TRDN: variants seen among roughly 807,000 people sequenced by gnomAD.
TRDN encodes the protein triadin in skeletal muscle.
Under a neutral mutation model 149.7 loss-of-function variants are expected in TRDN, and 161 were observed. The observed-to-expected ratio is 1.08, with a 90% CI of 0.95 to 1.23. The LOEUF (loss-of-function observed/expected upper bound fraction) is 1.23. Ranked by LOEUF, TRDN falls within the 50% of genes most tolerant of loss-of-function variation. The pLI, the probability that TRDN is intolerant of heterozygous loss-of-function variation, is 0.00. For missense variants in TRDN, 896 were observed against 823.5 expected, an observed-to-expected ratio of 1.09 and a Z score of -1.08; for synonymous variants, 294 against 250.5, an observed-to-expected ratio of 1.17 and a Z score of -1.64.
At chr6:123,543,049 A>G (rs1397924694) in intron 4 of TRDN, among the ~76,000 whole-genome samples, 2 of 152,212 alleles carry the variant, frequency 1.3e-5, no homozygotes, top group African/African-American at 4.8e-5. Flanking sequence ...CATCATATAA[A>G]GATTTACCCT....
chr6:123,331,698 T>G (rs1343339899), intron 23 of TRDN, among the ~76,000 whole-genome samples, 181 bp downstream of exon 23: 1 of 152,054 alleles, frequency 6.6e-6, no homozygotes, highest in Non-Finnish European at 1.5e-5. Flanking sequence ...TTTCCTTTTT[T>G]GTTTCATAGT....
intron 9 of TRDN, among the ~76,000 whole-genome samples, chr6:123,467,855 G>C (rs12333042): frequency 0.038 from 5,776 of 152,172 alleles, 328 homozygotes; most frequent in African/African-American, 0.12. Context: ...CAAAATCAGA[G>C]TTGTTTAGTA....
rs986586412 is a variant in TRDN, at chr6:123,251,728, C to A, written c.1975+684G>T. On this transcript the variant is annotated intron_variant, in intron 38 of 40. Coordinates refer to ENST00000334268, the MANE Select transcript of TRDN (RefSeq NM_006073.4). The stretch of plus-strand genomic sequence containing the variant: ...AATAAAAAAGGATAAATTGTTATTT[C>A]CTTGAATCTTAGGAACTTGTAAGAA... Among the ~76,000 whole-genome samples, 19 of 151,528 alleles carry A rather than the reference C, an allele frequency of 1.3e-4. 1 individual carries two copies. Among genetic ancestry groups the A allele is most frequent in the African/African-American group, 4.6e-4 (19 of 41,380 alleles).
chr6:123,629,142 A>G (rs1785831130), intron 1 of TRDN, among the ~76,000 whole-genome samples: 1 of 152,092 alleles, frequency 6.6e-6, no homozygotes, highest in Admixed American at 6.6e-5. Flanking sequence ...CATATCTCTT[A>G]TTTTTGTCTT....
chr6:123,503,944 C>A (rs772438711), intron 7 of TRDN, 43 bp from the exon 8 acceptor site: 25 of 1,507,038 alleles, frequency 1.7e-5, no homozygotes, highest in Admixed American at 1.2e-4. Flanking sequence ...TGTTTATTTA[C>A]AAACATAATG....
At chr6:123,554,071 G>C (rs1009905235) in intron 2 of TRDN, among the ~76,000 whole-genome samples, 1 of 152,096 alleles carries the variant, frequency 6.6e-6, no homozygotes, top group Non-Finnish European at 1.5e-5. Flanking sequence ...ACCTTGGTAA[G>C]GTCCATGAAA....
chr6:123,350,914 A>T, intron 21 of TRDN: 1 of 984,882 alleles, frequency 1.0e-6, no homozygotes, highest in Non-Finnish European at 1.2e-6. Context: ...ATCTCTAAGA[A>T]CCATTTCCAG....
chr6:123,252,351 T>G (rs1776402843), intron 38 of TRDN, 61 bp downstream of exon 38: 1 of 1,019,080 alleles, frequency 9.8e-7, no homozygotes, highest in African/African-American at 1.6e-5. Flanking sequence ...TTTATGAATT[T>G]CATCTTAAAA....
intron 12 of TRDN, among the ~76,000 whole-genome samples, chr6:123,428,214 G>A (rs369143760): frequency 6.6e-6 from 1 of 152,194 alleles, no homozygotes; most frequent in African/African-American, 2.4e-5. Flanking sequence ...GATAGGACCC[G>A]TGGCCTAAAA....
At chr6:123,526,186 T>A (rs1779939123) in intron 5 of TRDN, among the ~76,000 whole-genome samples, 1 of 152,042 alleles carries the variant, frequency 6.6e-6, no homozygotes, top group Non-Finnish European at 1.5e-5. Context: ...AGTCTATGCA[T>A]CTTTATATGG....
intron 1 of TRDN, among the ~76,000 whole-genome samples, chr6:123,607,446 A>G (rs1016155955): frequency 3.9e-5 from 6 of 152,188 alleles, no homozygotes; most frequent in African/African-American, 1.2e-4. Flanking sequence ...TTCTCTATAT[A>G]TACAGATTAC....
At chr6:123,626,581 T>C (rs1328371038) in intron 1 of TRDN, among the ~76,000 whole-genome samples, 1 of 152,188 alleles carries the variant, frequency 6.6e-6, no homozygotes, top group Non-Finnish European at 1.5e-5. Context: ...CTGTTTCCAC[T>C]GCATCTGCAG....
At chr6:123,250,082 G>C (rs1369205260) in intron 38 of TRDN, among the ~76,000 whole-genome samples, 1 of 151,956 alleles carries the variant, frequency 6.6e-6, no homozygotes, top group East Asian at 1.9e-4. Flanking sequence ...AAATCAAGAA[G>C]GTAATTGCAT....
intron 33 of TRDN, among the ~76,000 whole-genome samples, chr6:123,264,443 G>A (rs1053478584): frequency 6.6e-6 from 1 of 152,110 alleles, no homozygotes; most frequent in South Asian, 2.1e-4. Context: ...GAACAGACGA[G>A]GAGTTATTTC....
chr6:123,306,146 T>C (rs534450427), intron 24 of TRDN, among the ~76,000 whole-genome samples: 44 of 152,276 alleles, frequency 2.9e-4, no homozygotes, highest in Non-Finnish European at 5.1e-4. Flanking sequence ...ATTAGTTCAA[T>C]ACCTCAAGAT....
intron 9 of TRDN, among the ~76,000 whole-genome samples, chr6:123,490,605 T>C (rs180879923): frequency 4.1e-4 from 62 of 152,310 alleles, no homozygotes; most frequent in Admixed American, 2.7e-3. Flanking sequence ...TATCCTGTTA[T>C]ATTTTGTGAC....
intron 1 of TRDN, among the ~76,000 whole-genome samples, chr6:123,608,868 C>G (rs922924134): frequency 5.3e-5 from 8 of 149,772 alleles, no homozygotes; most frequent in Non-Finnish European, 8.9e-5. Context: ...ATTGTTTATA[C>G]TCATGAAAAA....
In TRDN at chr6:123,267,728, C is replaced by A; in HGVS notation, c.1762G>T (p.Glu588Ter). The change falls in exon 32 of 41, where the codon GAA becomes TAA. Residue 588 changes from glutamate (E) to a stop codon, truncating the protein, a stop_gained. Coordinates refer to ENST00000334268, the MANE Select transcript of TRDN (RefSeq NM_006073.4). LOFTEE classifies it high-confidence loss of function. ...ATACCTGTTTTTATAGATGGAGGTT[C>A]TCTTTCTCGATGTTCAGCTTTTTCT... ...PTKKAEHRER[E>*]PPSIKTDKPK... 1 of 1,580,446 alleles carries A rather than the reference C, an allele frequency of 6.3e-7. No homozygotes were observed. Among genetic ancestry groups the A allele is most frequent in the East Asian group, 2.3e-5 (1 of 43,498 alleles).
chr6:123,360,216 A>T (rs912276780), intron 20 of TRDN, among the ~76,000 whole-genome samples: 31 of 152,130 alleles, frequency 2.0e-4, no homozygotes, highest in Non-Finnish European at 4.0e-4. Flanking sequence ...GAAATTCATT[A>T]AAAAATTCTG....
Sources: allele counts gnomAD v4.1 joint callset (sites outside exome capture counted in the v4.1 genomes callset), GRCh38; gene constraint gnomAD v4.1.1; transcripts MANE v1.5; gene names NCBI Gene and HGNC (gene_info 2026-07-23, HGNC 2026-07-21).